Variants in SYT16 observed in about 807,000 individuals in gnomAD.
The protein encoded by SYT16 is synaptotagmin-16.
Under a neutral mutation model 61.4 loss-of-function variants are expected in SYT16, and 42 were observed. The observed-to-expected ratio is 0.68, with a 90% CI of 0.53 to 0.89. The LOEUF is 0.89. Ranked by LOEUF, SYT16 falls within the 40% of genes least tolerant of loss-of-function variation. The pLI, the probability that SYT16 is intolerant of heterozygous loss-of-function variation, is 0.00. For synonymous variants in SYT16, 314 were observed against 302.3 expected (o/e 1.04, Z -0.40); for missense variants, 804 against 807.3 (o/e 1.00, Z 0.05).
rs149754171 is a variant in SYT16 at position 61,855,948 on chromosome 14, G to A, written c.-325+43138G>A. Among the ~76,000 whole-genome samples, 550 of 152,334 alleles carry A rather than the reference G, an allele frequency of 3.6e-3. 4 individuals carry two copies. The highest frequency in any genetic ancestry group is 0.012 in the African/African-American group (516 of 41,564). On this transcript the variant is annotated intron_variant, in intron 1 of 7. Transcript: ENST00000683842. The stretch of plus-strand genomic sequence containing the variant: ...CAAGTAACATTTAAAATTAACATGT[G>A]AATTTTATATCTTCCCATTCAAATG...
chr14:62,082,719 G>A (rs1566831943), intron 6 of SYT16, among the ~76,000 whole-genome samples: 1 of 152,188 alleles, frequency 6.6e-6, no homozygotes, highest in South Asian at 2.1e-4. Context: ...GAGATCAGAA[G>A]GGATCCTGCG....
intron 1 of SYT16, among the ~76,000 whole-genome samples, chr14:61,953,830 C>T (rs574961156): frequency 3.9e-5 from 6 of 152,128 alleles, no homozygotes; most frequent in Admixed American, 6.6e-5. Context: ...TCCTGGGAGG[C>T]GCTGTGGTCC....
chr14:61,952,732 G>A (rs2050721691), intron 1 of SYT16, among the ~76,000 whole-genome samples: 1 of 151,992 alleles, frequency 6.6e-6, no homozygotes, highest in African/African-American at 2.4e-5. Flanking sequence ...GTTTTATTTT[G>A]GAACATGTTA....
chr14:61,935,140 G>A (rs970742831), intron 1 of SYT16, among the ~76,000 whole-genome samples: 3 of 151,974 alleles, frequency 2.0e-5, no homozygotes, highest in Non-Finnish European at 2.9e-5. Context: ...ACTTGGGGGC[G>A]GCACTACTTT....
chr14:61,952,299 T>C (rs1020178304), intron 1 of SYT16, among the ~76,000 whole-genome samples: 1 of 152,162 alleles, frequency 6.6e-6, no homozygotes, highest in African/African-American at 2.4e-5. Context: ...CTCTTCCCCA[T>C]CTGGGAAGAT....
At chr14:61,838,138 A>G (rs113962938) in intron 1 of SYT16, among the ~76,000 whole-genome samples, 1,717 of 152,362 alleles carry the variant, frequency 0.011, 37 homozygotes, top group African/African-American at 0.036. Context: ...AGCATTATGT[A>G]GTAGACATTA....
intron 3 of SYT16, among the ~76,000 whole-genome samples, chr14:62,050,976 G>C (rs536784922): frequency 6.6e-5 from 10 of 152,350 alleles, no homozygotes; most frequent in Non-Finnish European, 1.0e-4. Flanking sequence ...CGTGCTGGGA[G>C]AACCACTACT....
At chr14:61,880,471 G>A (rs186609647) in intron 1 of SYT16, among the ~76,000 whole-genome samples, 7 of 152,160 alleles carry the variant, frequency 4.6e-5, no homozygotes, top group Admixed American at 3.9e-4. Context: ...TATTTCATGT[G>A]CATTTTAGAA....
intron 3 of SYT16, among the ~76,000 whole-genome samples, chr14:62,023,785 A>AG (rs1311256164): frequency 6.6e-6 from 1 of 152,194 alleles, no homozygotes; most frequent in Non-Finnish European, 1.5e-5. Context: ...TTCTGATAAA[A>AG]GGTACTCCAT....
At chr14:62,086,469 G>T (rs1595382173) in intron 7 of SYT16, among the ~76,000 whole-genome samples, 1 of 152,112 alleles carries the variant, frequency 6.6e-6, no homozygotes, top group South Asian at 2.1e-4. Flanking sequence ...GACAGAATGA[G>T]ACTGTGTCTC....
chr14:61,823,594 A>AG (rs2045683707), intron 1 of SYT16, among the ~76,000 whole-genome samples: 1 of 151,018 alleles, frequency 6.6e-6, no homozygotes, highest in African/African-American at 2.4e-5. Context: ...AAAAAAAAAA[A>AG]AAGAAGAATT....
chr14:61,862,012 CT>C (rs2046979051), intron 1 of SYT16, among the ~76,000 whole-genome samples: 1 of 152,104 alleles, frequency 6.6e-6, no homozygotes, highest in South Asian at 2.1e-4. Flanking sequence ...TTGCTACAAA[CT>C]TTCAATTTGT....
chr14:61,818,914 A>C (rs2045529327), intron 1 of SYT16, among the ~76,000 whole-genome samples: 1 of 152,218 alleles, frequency 6.6e-6, no homozygotes, highest in Non-Finnish European at 1.5e-5. Context: ...TTCTAGAAGA[A>C]AACATAAATA....
At chr14:61,908,412 T>C (rs979541788) in intron 1 of SYT16, among the ~76,000 whole-genome samples, 1 of 152,214 alleles carries the variant, frequency 6.6e-6, no homozygotes, top group African/African-American at 2.4e-5. Context: ...CTGTGTTTGT[T>C]TTTTTAAAGT....
chr14:61,923,361 C>T (rs562064685), intron 1 of SYT16, among the ~76,000 whole-genome samples: 1 of 152,224 alleles, frequency 6.6e-6, no homozygotes, highest in African/African-American at 2.4e-5. Context: ...TAAATAAATT[C>T]ACTGTATCAG....
At chr14:61,963,033 C>T (rs1265573102) in intron 1 of SYT16, among the ~76,000 whole-genome samples, 1 of 152,004 alleles carries the variant, frequency 6.6e-6, no homozygotes, top group East Asian at 1.9e-4. Flanking sequence ...GCAATAGTGT[C>T]CATGGAATAA....
chr14:61,934,623 C>T (rs937062404), intron 1 of SYT16, among the ~76,000 whole-genome samples: 3 of 152,146 alleles, frequency 2.0e-5, no homozygotes, highest in Admixed American at 6.5e-5. Flanking sequence ...TGTGGTGACC[C>T]AAAAGCGTTG....
intron 1 of SYT16, among the ~76,000 whole-genome samples, chr14:61,818,585 G>A (rs1406834079): frequency 6.6e-6 from 1 of 151,746 alleles, no homozygotes; most frequent in Non-Finnish European, 1.5e-5. Flanking sequence ...GGCTGAGGCA[G>A]GAGAATCGCT....
intron 3 of SYT16, among the ~76,000 whole-genome samples, chr14:62,063,659 C>CT (rs2055927547): frequency 6.6e-6 from 1 of 152,132 alleles, no homozygotes; most frequent in African/African-American, 2.4e-5. Context: ...CATCCCGTCT[C>CT]TTTGGAAGAT....
Sources: gnomAD v4.1 joint callset for allele counts (sites outside exome capture counted in the v4.1 genomes callset) on GRCh38, gnomAD v4.1.1 for gene constraint, MANE v1.5 for transcripts, NCBI Gene and HGNC (gene_info 2026-07-23, HGNC 2026-07-21) for gene names.